The following TNIP3 variants were observed in gnomAD, a reference collection of about 807,000 sequenced individuals.
TNIP3 encodes TNFAIP3-interacting protein 3.
TNIP3 carries 34 observed loss-of-function variants against 54.1 expected under a neutral mutation model. That is an observed-to-expected ratio of 0.63 (90% CI 0.48 to 0.84). TNIP3 has a LOEUF of 0.84. Ranked by LOEUF, TNIP3 falls within the 40% of genes least tolerant of loss-of-function variation. TNIP3 has a pLI of 0.00. For synonymous variants in TNIP3, 134 were observed against 136.8 expected, an observed-to-expected ratio of 0.98 and a Z score of 0.14; for missense variants, 366 against 387.6, an observed-to-expected ratio of 0.94 and a Z score of 0.47.
chr4:121,212,944 T>C (rs896623), intron 2 of TNIP3, among the ~76,000 whole-genome samples: 61,325 of 151,932 alleles, frequency 0.4, 14,621 homozygotes, highest in African/African-American at 0.67. Flanking sequence ...TGCCTGTCAC[T>C]CCATAAACAT....
chr4:121,135,894 A>T (rs1349708270), intron 10 of TNIP3, among the ~76,000 whole-genome samples: 1 of 152,206 alleles, frequency 6.6e-6, no homozygotes, highest in Non-Finnish European at 1.5e-5. Context: ...GCCAATTCTT[A>T]TGACATGGCT....
intron 2 of TNIP3, among the ~76,000 whole-genome samples, chr4:121,211,599 A>T (rs1579501128): frequency 6.6e-6 from 1 of 152,314 alleles, no homozygotes; most frequent in East Asian, 1.9e-4. Context: ...GAGAGTTGTG[A>T]ATTTGGTATT....
intron 2 of TNIP3, among the ~76,000 whole-genome samples, chr4:121,199,671 A>C (rs10017221): frequency 0.033 from 5,002 of 152,342 alleles, 265 homozygotes; most frequent in African/African-American, 0.11. Context: ...CAACAGCCTG[A>C]GAAGAATGGC....
chr4:121,159,235 T>C (rs1353838536), intron 2 of TNIP3, among the ~76,000 whole-genome samples: 1 of 151,650 alleles, frequency 6.6e-6, no homozygotes, highest in Non-Finnish European at 1.5e-5. Context: ...AGAGTGAGAC[T>C]CCATCTCATG....
intron 1 of TNIP3, among the ~76,000 whole-genome samples, chr4:121,225,051 G>A (rs1727200936): frequency 6.6e-6 from 1 of 152,030 alleles, no homozygotes; most frequent in South Asian, 2.1e-4. Context: ...ACTGAGAAAG[G>A]GATCATTTGC....
chr4:121,141,749 C>T (rs930224042), intron 9 of TNIP3, 67 bp downstream of exon 9: 1 of 1,083,400 alleles, frequency 9.2e-7, no homozygotes, highest in Admixed American at 3.1e-5. Flanking sequence ...TGCTGAAATT[C>T]CAGAGATGCA....
At chr4:121,177,489 T>C (rs1294508621) in intron 3 of TNIP3, among the ~76,000 whole-genome samples, 1 of 152,214 alleles carries the variant, frequency 6.6e-6, no homozygotes, top group Non-Finnish European at 1.5e-5. Flanking sequence ...TTGGCAATAG[T>C]AGTTGAACAA....
At position 121,150,187 on chromosome 4, in the gene TNIP3, T is replaced by C; in HGVS notation, c.525A>G (p.Ser175=). The change falls in exon 6 of 11, where the codon TCA becomes TCG. Residue 175 remains serine (S), a synonymous_variant. Transcript: ENST00000057513. ...ACTTCCTCAAACAGTCCTCGGAAAATGAACACTTGATATTCAAGGCATCCT... is the reference window on the plus strand; with the variant it reads ...ACTTCCTCAAACAGTCCTCGGAAAACGAACACTTGATATTCAAGGCATCCT... ...ALQDALNIKC[S]FSEDCLRKSR... The C allele has an allele frequency of 1.2e-6, 2 of 1,613,686 alleles. No individual in the cohort carries two copies. Among genetic ancestry groups the C allele is most frequent in the South Asian group, 1.1e-5 (1 of 91,042 alleles).
rs1192779359 is a variant in TNIP3 at position 121,186,743 on chromosome 4, T to G, written c.69-3947A>C. Among the ~76,000 whole-genome samples, 3 of 152,236 alleles carry G rather than the reference T, an allele frequency of 2.0e-5. No homozygotes were observed. In the East Asian group the frequency reaches 5.8e-4, roughly 29 times the overall value. On this transcript the variant is annotated intron_variant, in intron 2 of 12. Transcript: ENST00000507879. ...TTACCAAACATTCTAACAAACAAGTTTGGAAAGTAGGAGCCATAAATTTAG... is the reference window on the plus strand; with the variant it reads ...TTACCAAACATTCTAACAAACAAGTGTGGAAAGTAGGAGCCATAAATTTAG...
At chr4:121,183,223 G>A (rs115180383) in intron 2 of TNIP3, among the ~76,000 whole-genome samples, 1,718 of 152,276 alleles carry the variant, frequency 0.011, 28 homozygotes, top group African/African-American at 0.038. Flanking sequence ...TGAAACATCG[G>A]CAGGGCCAAG....
rs2148825682 is a variant in TNIP3, at chr4:121,179,508, A to T, written c.189+3168T>A. ...AGGAATGTATATATGATGCAAAGGC[A>T]TTTGGTTTCAATGATGTGTGCAAAG... On this transcript the variant is annotated intron_variant, in intron 3 of 12. Coordinates refer to the TNIP3 transcript ENST00000507879. Among the ~76,000 whole-genome samples the T allele has an allele frequency of 2.0e-5, 3 of 152,350 alleles. No individual in the cohort carries two copies. The South Asian group carries it at 6.2e-4, about 32-fold the overall frequency.
At chr4:121,184,337 C>T (rs563106900) in intron 2 of TNIP3, among the ~76,000 whole-genome samples, 10 of 152,282 alleles carry the variant, frequency 6.6e-5, no homozygotes, top group African/African-American at 2.4e-4. Flanking sequence ...AATCCACCAC[C>T]CTTGTTGAGA....
At chr4:121,219,162 T>C (rs1248640137), upstream of TNIP3, among the ~76,000 whole-genome samples, 1 of 152,038 alleles carries the variant, frequency 6.6e-6, no homozygotes, top group Non-Finnish European at 1.5e-5. Context: ...ATCACACCAT[T>C]GCTCTCCAGC....
Position 121,164,231 on chromosome 4 carries a change from C to T in TNIP3, c.-106G>A, listed in dbSNP as rs542693390. The stretch of plus-strand genomic sequence containing the variant: ...GCAAGTATACAAAATTTAAAAAACA[C>T]ACATCACCGTTAACTCATAATAGAA... On this transcript the variant is annotated 5_prime_UTR_variant, in exon 1 of 11. In the 5' UTR this introduces an upstream ATG that the reference lacks. Coordinates refer to ENST00000057513, the MANE Select transcript of TNIP3 (RefSeq NM_024873.6). The T allele has an allele frequency of 3.8e-6, 6 of 1,568,846 alleles. No homozygotes were observed. The highest frequency in any genetic ancestry group is 5.2e-6 in the Non-Finnish European group (6 of 1,161,034).
intron 3 of TNIP3, among the ~76,000 whole-genome samples, chr4:121,182,080 T>C (rs1290134080): frequency 1.3e-5 from 2 of 152,106 alleles, no homozygotes; most frequent in Non-Finnish European, 2.9e-5. Context: ...TAGTTTTTAA[T>C]TGGGAGGATT....
intron 2 of TNIP3, among the ~76,000 whole-genome samples, chr4:121,196,822 T>C (rs1463798471): frequency 6.6e-6 from 1 of 152,126 alleles, no homozygotes; most frequent in East Asian, 1.9e-4. Context: ...GATTTGCTTC[T>C]ATTTTCTTTC....
At chr4:121,183,639 C>A (rs553841898) in intron 2 of TNIP3, among the ~76,000 whole-genome samples, 1 of 152,318 alleles carries the variant, frequency 6.6e-6, no homozygotes, top group Admixed American at 6.5e-5. Flanking sequence ...CTGAGCTCCA[C>A]CTCCTGTCAA....
In TNIP3 at chr4:121,182,688, T is replaced by A. The variant is rs1301848849; in HGVS notation, c.177A>T (p.Leu59=). The A allele has an allele frequency of 2.0e-6, 3 of 1,534,094 alleles. No homozygotes were observed. The Admixed American group carries it at 5.9e-5, about 30-fold the overall frequency. ...GGTGTTTTCTTACCTTCAGAGAACA[T>A]AGATTTCTGTGAGTTGGCATGGCCT... The change falls in exon 3 of 13, where the codon CTA becomes CTT. Residue 59 remains leucine, a synonymous_variant. Coordinates refer to the TNIP3 transcript ENST00000507879.
intron 1 of TNIP3, among the ~76,000 whole-genome samples, chr4:121,221,985 A>G (rs1200932462): frequency 4.6e-5 from 7 of 152,172 alleles, no homozygotes; most frequent in Non-Finnish European, 8.8e-5. Flanking sequence ...GGAGACTAAG[A>G]TTCTGTCTGT....
Sources: allele counts gnomAD v4.1 joint callset (sites outside exome capture counted in the v4.1 genomes callset), GRCh38; gene constraint gnomAD v4.1.1; transcripts MANE v1.5; gene names NCBI Gene and HGNC (gene_info 2026-07-23, HGNC 2026-07-21).